The following LTBP1 variants were observed in gnomAD, a reference collection of about 807,000 sequenced individuals.
The protein encoded by LTBP1 is latent transforming growth factor beta binding protein 1.
Under a neutral mutation model 207.6 loss-of-function variants are expected in LTBP1, and 129 were observed. That is an observed-to-expected ratio of 0.62 (90% CI 0.54 to 0.72). LTBP1 has a LOEUF of 0.72. Ranked by LOEUF, LTBP1 falls within the 30% of genes least tolerant of loss-of-function variation. The probability of loss-of-function intolerance (pLI) is 0.00; values close to 1 mark genes in which losing one functional copy is unlikely to be tolerated. For synonymous variants in LTBP1, 963 were observed against 833.7 expected, an observed-to-expected ratio of 1.16 and a Z score of -2.67; for missense variants, 2,281 against 2,217.2, an observed-to-expected ratio of 1.03 and a Z score of -0.58.
At chr2:33,050,054 G>T (rs1407788633) in intron 3 of LTBP1, among the ~76,000 whole-genome samples, 1 of 151,842 alleles carries the variant, frequency 6.6e-6, no homozygotes, top group Non-Finnish European at 1.5e-5. Flanking sequence ...TTGTTGCCTA[G>T]GTTGGTCTCG....
chr2:33,287,226 T>C (rs2093683996), intron 19 of LTBP1, among the ~76,000 whole-genome samples: 1 of 152,222 alleles, frequency 6.6e-6, no homozygotes, highest in African/African-American at 2.4e-5. Flanking sequence ...CATCATTTGA[T>C]CCTCACAGTA....
At chr2:33,075,100 G>C (rs1047774548) in intron 3 of LTBP1, among the ~76,000 whole-genome samples, 28 of 152,118 alleles carry the variant, frequency 1.8e-4, no homozygotes, top group African/African-American at 6.5e-4. Context: ...AAAAGATGTT[G>C]TGGTGGTAAA....
intron 3 of LTBP1, among the ~76,000 whole-genome samples, chr2:33,082,568 G>T (rs1273412969): frequency 6.7e-6 from 1 of 150,094 alleles, no homozygotes; most frequent in Non-Finnish European, 1.5e-5. Flanking sequence ...GGGACTACAG[G>T]TGTCCACCAG....
At chr2:33,188,524 A>C in intron 6 of LTBP1, 53 bp from the exon 7 acceptor site, 1 of 1,446,484 alleles carries the variant, frequency 6.9e-7, no homozygotes, top group Non-Finnish European at 9.4e-7. Flanking sequence ...AAAACTTTTG[A>C]TTTGCCTGTT....
At chr2:33,168,399 CAAA>C (rs10616798) in intron 5 of LTBP1, among the ~76,000 whole-genome samples, 228 of 103,792 alleles carry the variant, frequency 2.2e-3, no homozygotes, top group African/African-American at 7.0e-3. Flanking sequence ...GTCTTTGTCT[CAAA>C]AAAAAAAAAA....
At position 33,293,342 on chromosome 2, in the gene LTBP1, G is replaced by A. The variant is rs529917802; in HGVS notation, c.3235+60G>A. On this transcript the variant is annotated intron_variant, in intron 20 of 33. Transcript: ENST00000404816. ...AAACTTCATTTAAATATAGATTAGA[G>A]CAATTAGCCTTAGAAAAGGGAACCC... 45 of 1,507,886 alleles carry A rather than the reference G, an allele frequency of 3.0e-5. No homozygotes were observed. In the African/African-American group the frequency reaches 5.2e-4, roughly 18 times the overall value. 93.4% of individuals were successfully genotyped at this position (1,507,886 alleles called of 1,614,324 possible). A position where few individuals can be genotyped will look rare whatever the true frequency, so the allele number is the denominator to read the frequency against.
intron 24 of LTBP1, among the ~76,000 whole-genome samples, chr2:33,336,020 CT>C (rs550147299): frequency 3.7e-3 from 562 of 152,264 alleles, no homozygotes; most frequent in Non-Finnish European, 6.6e-3. Context: ...GCCTGATGTG[CT>C]TTCTTCCAAG....
At chr2:33,001,569 A>T (rs879617071) in intron 2 of LTBP1, among the ~76,000 whole-genome samples, 1 of 134,972 alleles carries the variant, frequency 7.4e-6, no homozygotes, top group African/African-American at 2.6e-5. Flanking sequence ...TGAGGAGAAG[A>T]AGTGCTGGAA....
At chr2:33,150,749 C>G (rs1169812143) in intron 5 of LTBP1, among the ~76,000 whole-genome samples, 1 of 106,242 alleles carries the variant, frequency 9.4e-6, no homozygotes, top group Non-Finnish European at 1.8e-5. Context: ...GACAGAGTCT[C>G]GCTCTGTTGC....
chr2:33,086,854 AAACT>A (rs2078782631), intron 3 of LTBP1, among the ~76,000 whole-genome samples: 1 of 152,032 alleles, frequency 6.6e-6, no homozygotes, highest in Non-Finnish European at 1.5e-5. Context: ...AAAGGAAAAT[AAACT>A]AACACATTGT....
intron 3 of LTBP1, among the ~76,000 whole-genome samples, chr2:33,047,448 GT>G (rs2076505501): frequency 6.6e-6 from 1 of 152,142 alleles, no homozygotes; most frequent in South Asian, 2.1e-4. Context: ...TTAATCCTGA[GT>G]TCTAATTTGA....
At position 33,307,515 on chromosome 2, in the gene LTBP1, C is replaced by T. The variant is rs139158126; in HGVS notation, c.3482-1919C>T. On this transcript the variant is annotated intron_variant, in intron 22 of 33. Transcript: ENST00000404816. Reference sequence around the variant, plus strand: ...TGGGTGAATCTCAAAACTATTATGCCGAGAGGAAGAAGCCCCAAAGCACAA... The same window carrying T: ...TGGGTGAATCTCAAAACTATTATGCTGAGAGGAAGAAGCCCCAAAGCACAA... Among the ~76,000 whole-genome samples, 341 of 152,120 alleles carry T rather than the reference C, an allele frequency of 2.2e-3. 2 individuals carry two copies. The highest frequency in any genetic ancestry group is 7.4e-3 in the African/African-American group (308 of 41,500).
chr2:33,164,225 T>A (rs2084718677), intron 5 of LTBP1, among the ~76,000 whole-genome samples: 1 of 151,628 alleles, frequency 6.6e-6, no homozygotes, highest in Non-Finnish European at 1.5e-5. Flanking sequence ...GGTGCATGCC[T>A]GTAATCCCAG....
At chr2:33,341,336 G>A (rs1017855960) in intron 24 of LTBP1, among the ~76,000 whole-genome samples, 9 of 152,152 alleles carry the variant, frequency 5.9e-5, no homozygotes, top group Non-Finnish European at 1.2e-4. Context: ...ACTGGTCAGG[G>A]CGGGAGAAGG....
chr2:33,060,017 A>C (rs1237961076), intron 3 of LTBP1, among the ~76,000 whole-genome samples: 1 of 152,230 alleles, frequency 6.6e-6, no homozygotes, highest in Non-Finnish European at 1.5e-5. Flanking sequence ...GTTCTTCTAC[A>C]TGTTGTTGGT....
At chr2:32,959,847 C>G (rs994057759) in intron 2 of LTBP1, among the ~76,000 whole-genome samples, 1 of 151,540 alleles carries the variant, frequency 6.6e-6, no homozygotes, top group Non-Finnish European at 1.5e-5. Flanking sequence ...TCTTGAACTC[C>G]TGACCTCAGG....
intron 2 of LTBP1, among the ~76,000 whole-genome samples, chr2:32,954,543 T>TCC (rs1677732537): frequency 1.9e-5 from 2 of 104,274 alleles, no homozygotes; most frequent in African/African-American, 3.5e-5. Context: ...GGGCCTCCAC[T>TCC]CCCCGCCCCC....
chr2:33,252,763 C>T lies in LTBP1; in HGVS notation c.2086C>T (p.His696Tyr), dbSNP rs932972370. The change falls in exon 11 of 34, where the codon CAC becomes TAC. Residue 696 changes from histidine to tyrosine, a missense_variant. Around this residue, in one of 3 missense-constraint regions of LTBP1, gnomAD observed 1,671 missense variants for 1,634.8 expected, o/e 1.02. Coordinates refer to ENST00000404816, the MANE Select transcript of LTBP1 (RefSeq NM_206943.4). ...GRQCMHPLSVHLTKQLCCCSV... is the reference protein window; with the variant it reads ...GRQCMHPLSVYLTKQLCCCSV... The stretch of plus-strand genomic sequence containing the variant: ...ACAGTGTATGCACCCTCTGTCTGTT[C>T]ACCTCACCAAGCAGCTCTGCTGTTG... 1.9e-6 allele frequency: 3 copies of T among 1,613,942 alleles called. No homozygotes were observed. The African/African-American group carries it at 4.0e-5, about 22-fold the overall frequency.
intron 10 of LTBP1, among the ~76,000 whole-genome samples, chr2:33,245,864 AT>A (rs1168790219): frequency 5.9e-5 from 9 of 152,332 alleles, no homozygotes; most frequent in African/African-American, 1.9e-4. Flanking sequence ...AAGGTTGCTG[AT>A]TAGGTAAACT....
Sources: allele counts gnomAD v4.1 joint callset (sites outside exome capture counted in the v4.1 genomes callset), GRCh38; gene constraint gnomAD v4.1.1; regional missense constraint gnomAD v4.1.1; transcripts MANE v1.5; gene names NCBI Gene and HGNC (gene_info 2026-07-23, HGNC 2026-07-21).